Variants in AGK observed in about 807,000 individuals in gnomAD.
The protein encoded by AGK is acylglycerol kinase, mitochondrial.
AGK carries 52 observed loss-of-function variants against 66.4 expected under a neutral mutation model. The observed-to-expected ratio is 0.78, with a 90% CI of 0.63 to 0.99. AGK has a LOEUF of 0.99. AGK is among the 50% of genes least tolerant of loss of function. The pLI is 0.00. For missense variants in AGK, 451 were observed against 506.6 expected (o/e 0.89, Z 1.05); for synonymous variants, 182 against 181.1 (o/e 1.00, Z -0.04).
In AGK at chr7:141,654,149, CTTGCT is replaced by C. The variant is rs1211179060; in HGVS notation, c.*1228_*1232del. The C allele has an allele frequency of 6.6e-6, 1 of 151,788 alleles. No homozygotes were observed. Among genetic ancestry groups the C allele is most frequent in the Non-Finnish European group, 1.5e-5 (1 of 67,956 alleles). 9.4% of individuals were successfully genotyped at this position (151,788 alleles called of 1,614,324 possible). On this transcript the variant is annotated 3_prime_UTR_variant, in exon 16 of 16. Transcript: ENST00000649286. ...ATAAATGGAAATTTTTTTTTTAGCT[CTTGCT>C]TTAAGTGTTTGTTTGTTATCTCAGT...
intron 15 of AGK, among the ~76,000 whole-genome samples, chr7:141,651,929 C>T (rs1797570868): frequency 6.6e-6 from 1 of 152,172 alleles, no homozygotes; most frequent in Non-Finnish European, 1.5e-5. Context: ...CATTAAGACA[C>T]ATAGAGAATT....
intron 2 of AGK, among the ~76,000 whole-genome samples, chr7:141,564,562 T>C (rs1795425850): frequency 6.6e-6 from 1 of 152,176 alleles, no homozygotes; most frequent in South Asian, 2.1e-4. Flanking sequence ...ATGGGGATTA[T>C]GGGAACTGTA....
At chr7:141,564,011 A>C (rs75010305) in intron 2 of AGK, among the ~76,000 whole-genome samples, 1 of 152,140 alleles carries the variant, frequency 6.6e-6, no homozygotes, top group Admixed American at 6.5e-5. Flanking sequence ...CCCAGGCTGG[A>C]GTGCAGTGGT....
intron 10 of AGK, among the ~76,000 whole-genome samples, chr7:141,635,289 A>G (rs1797146803): frequency 6.6e-6 from 1 of 152,028 alleles, no homozygotes; most frequent in Admixed American, 6.5e-5. Context: ...AAGAAATGGT[A>G]GAGATATGAG....
chr7:141,604,234 T>TA (rs1021027370), intron 5 of AGK, among the ~76,000 whole-genome samples: 6 of 151,154 alleles, frequency 4.0e-5, no homozygotes, highest in South Asian at 2.1e-4. Flanking sequence ...CTCAAACTTA[T>TA]AAAAAAAATG....
At chr7:141,563,947 C>A (rs969433914) in intron 2 of AGK, among the ~76,000 whole-genome samples, 2 of 152,128 alleles carry the variant, frequency 1.3e-5, no homozygotes, top group African/African-American at 4.8e-5. Context: ...GTTTTCACAA[C>A]TAAAGGTTTG....
At chr7:141,589,280 G>C (rs1355562511) in intron 2 of AGK, among the ~76,000 whole-genome samples, 1 of 152,174 alleles carries the variant, frequency 6.6e-6, no homozygotes, top group Non-Finnish European at 1.5e-5. Context: ...TTGTTACAAA[G>C]ATTAAAGGTT....
chr7:141,554,024 A>G (rs969045748), intron 1 of AGK, among the ~76,000 whole-genome samples: 4 of 152,082 alleles, frequency 2.6e-5, no homozygotes, highest in Non-Finnish European at 5.9e-5. Context: ...CCATTCCACA[A>G]CCTAGAGGGA....
At chr7:141,602,173 T>TTTGTGTGTGTGTGTGTGTGTGTG (rs1554400561) in intron 5 of AGK, among the ~76,000 whole-genome samples, 1 of 125,314 alleles carries the variant, frequency 8.0e-6, no homozygotes, top group Non-Finnish European at 1.7e-5. Context: ...GGAGATTTTC[T>TTTGTGTGTGTGTGTGTGTGTGTG]TGTGTGTGTG....
chr7:141,578,406 G>A lies in AGK; in HGVS notation c.102-14740G>A, dbSNP rs188219193. Among the ~76,000 whole-genome samples, 329 of 151,920 alleles carry A rather than the reference G, an allele frequency of 2.2e-3. 5 individuals are homozygous for A. The highest frequency in any genetic ancestry group is 7.2e-3 in the African/African-American group (297 of 41,318). ...TCTTTTGTGATTCTTCACTTGCTTC[G>A]GGCCATCTGGACATATGTGTGCAGG... On this transcript the variant is annotated intron_variant, in intron 2 of 15. Transcript: ENST00000649286.
chr7:141,572,808 G>C (rs1019444069), intron 2 of AGK, among the ~76,000 whole-genome samples: 3 of 152,152 alleles, frequency 2.0e-5, no homozygotes, highest in Non-Finnish European at 4.4e-5. Context: ...GGCTATGGGG[G>C]GGGGAAATGT....
chr7:141,582,898 G>A (rs35792912), intron 2 of AGK, among the ~76,000 whole-genome samples: 5,229 of 151,518 alleles, frequency 0.035, 170 homozygotes, highest in South Asian at 0.14. Context: ...GGAGGGGAGA[G>A]GTCAGATGGG....
intron 2 of AGK, among the ~76,000 whole-genome samples, chr7:141,574,622 A>G (rs561736729): frequency 3.5e-4 from 53 of 152,330 alleles, no homozygotes; most frequent in Non-Finnish European, 7.1e-4. Context: ...ACAGACCAAA[A>G]TGATTAGCTT....
At chr7:141,616,907 G>A (rs1435455787) in intron 8 of AGK, among the ~76,000 whole-genome samples, 1 of 151,728 alleles carries the variant, frequency 6.6e-6, no homozygotes, top group Non-Finnish European at 1.5e-5. Flanking sequence ...ACAGGCGCCC[G>A]CCACCACGCC....
intron 6 of AGK, 71 bp downstream of exon 6, chr7:141,611,358 T>G: frequency 1.8e-6 from 2 of 1,102,790 alleles, no homozygotes; most frequent in South Asian, 3.1e-5. Flanking sequence ...AGAGCAATGG[T>G]ATGTTGTAAT....
At chr7:141,651,691 C>T in intron 15 of AGK, 82 bp downstream of exon 15, 1 of 1,292,168 alleles carries the variant, frequency 7.7e-7, no homozygotes, top group Admixed American at 1.7e-5. Flanking sequence ...CATCCTTCCT[C>T]TCTGTTAGCT....
rs541748461 is a variant in AGK at position 141,649,437 on chromosome 7, G to A, written c.1046+104G>A. ...AAGACAGAAATCCAGCCAAAGCCTT[G>A]TCTTGTTTGGGAATTTCGATGTTAT... On this transcript the variant is annotated intron_variant, in intron 14 of 15. Coordinates refer to ENST00000649286, the MANE Select transcript of AGK (RefSeq NM_018238.4). 2.0e-5 allele frequency: 17 copies of A among 858,528 alleles called. No homozygotes were observed. In the East Asian group the frequency reaches 3.8e-4, roughly 19 times the overall value. The allele number at this position is 858,528 out of a possible 1,614,324, so 53.2% of individuals were successfully genotyped here.
intron 9 of AGK, among the ~76,000 whole-genome samples, chr7:141,629,083 G>A (rs752717052): frequency 6.6e-6 from 1 of 151,980 alleles, no homozygotes; most frequent in African/African-American, 2.4e-5. Flanking sequence ...TTAGACCCTG[G>A]CTTTGATGAT....
In AGK at chr7:141,559,959, G is replaced by A. The variant is rs149233446; in HGVS notation, c.101+4392G>A. Among the ~76,000 whole-genome samples the A allele has an allele frequency of 2.5e-4, 37 of 150,020 alleles. No individual in the cohort carries two copies. In the East Asian group the frequency reaches 4.3e-3, roughly 17 times the overall value. On this transcript the variant is annotated intron_variant, in intron 2 of 15. Coordinates refer to ENST00000649286, the MANE Select transcript of AGK (RefSeq NM_018238.4). ...TCCTACAACTTTGCTGAATTTATTA[G>A]TTCTAACAGCTTTTTTTTTTGGTGT...
Sources: allele counts gnomAD v4.1 joint callset (sites outside exome capture counted in the v4.1 genomes callset), GRCh38; gene constraint gnomAD v4.1.1; transcripts MANE v1.5; gene names NCBI Gene and HGNC (gene_info 2026-07-23, HGNC 2026-07-21).